The following PLEK2 variants were observed in gnomAD, a reference collection of about 807,000 sequenced individuals.
PLEK2 encodes the protein pleckstrin 2.
In PLEK2, 29 loss-of-function variants were observed where a neutral mutation model predicts 43.8. That is an observed-to-expected ratio of 0.66 (90% CI 0.49 to 0.90). The LOEUF (loss-of-function observed/expected upper bound fraction) is 0.90, where lower values mean the gene tolerates loss of function less well. Among genes scored for constraint, PLEK2 ranks in the 40% least tolerant of loss-of-function variants. The pLI is 0.00. For missense variants in PLEK2, 398 were observed against 448.1 expected, an observed-to-expected ratio of 0.89 and a Z score of 1.01; for synonymous variants, 162 against 173.2, an observed-to-expected ratio of 0.94 and a Z score of 0.51.
chr14:67,393,129 G>C lies in PLEK2; in HGVS notation c.481+21C>G, dbSNP rs755695051. The stretch of plus-strand genomic sequence containing the variant: ...ATGTCCCAGCTTGACTGCCCAGCCC[G>C]GCCCTGGGGGACAGGCTCACCGAGG... On this transcript the variant is annotated intron_variant, in intron 4 of 8. Coordinates refer to ENST00000216446, the MANE Select transcript of PLEK2 (RefSeq NM_016445.3). 3.8e-6 allele frequency: 6 copies of C among 1,565,860 alleles called. No individual in the cohort carries two copies. In the East Asian group the frequency reaches 1.1e-4, roughly 29 times the overall value.
At chr14:67,409,583 C>T (rs764638870) in intron 1 of PLEK2, among the ~76,000 whole-genome samples, 33 of 152,098 alleles carry the variant, frequency 2.2e-4, no homozygotes, top group Non-Finnish European at 3.8e-4. Context: ...ACGGCTCATC[C>T]CCCACTTCCC....
intron 2 of PLEK2, among the ~76,000 whole-genome samples, chr14:67,397,096 G>A (rs949068444): frequency 2.8e-5 from 4 of 144,530 alleles, no homozygotes; most frequent in Non-Finnish European, 4.5e-5. Context: ...CTGCGACCAC[G>A]CTCAGCTAGT....
chr14:67,410,351 C>A (rs1157885533), intron 1 of PLEK2, among the ~76,000 whole-genome samples: 2 of 152,186 alleles, frequency 1.3e-5, no homozygotes, highest in Non-Finnish European at 2.9e-5. Context: ...CCAGCTATAT[C>A]AACAGTGCCA....
At chr14:67,401,555 G>T (rs1206613249) in intron 1 of PLEK2, among the ~76,000 whole-genome samples, 2 of 151,892 alleles carry the variant, frequency 1.3e-5, no homozygotes, top group Non-Finnish European at 2.9e-5. Flanking sequence ...AGGAGATTTG[G>T]ACACACAGCT....
chr14:67,408,923 G>C (rs1267755556), intron 1 of PLEK2, among the ~76,000 whole-genome samples: 2 of 151,458 alleles, frequency 1.3e-5, no homozygotes, highest in Admixed American at 1.3e-4. Flanking sequence ...CAGTTTTTTC[G>C]CCACATAAAT....
At chr14:67,406,958 A>G (rs2086082918) in intron 1 of PLEK2, among the ~76,000 whole-genome samples, 1 of 152,110 alleles carries the variant, frequency 6.6e-6, no homozygotes, top group Non-Finnish European at 1.5e-5. Flanking sequence ...GCTGGCTGGA[A>G]CCAGAGGCCA....
chr14:67,392,205 T>C lies in PLEK2; in HGVS notation c.771+121A>G, dbSNP rs1001692879. On this transcript the variant is annotated intron_variant, in intron 6 of 8. Transcript: ENST00000216446. ...GGCTGGTGCTGGGCTCTTGCTTTCG[T>C]AGATTTTGCTGTAATTGGTGCCCTC... The C allele has an allele frequency of 8.4e-6, 6 of 718,280 alleles. No individual in the cohort carries two copies. In the African/African-American group the frequency reaches 8.7e-5, roughly 10 times the overall value. 44.5% of individuals were successfully genotyped at this position (718,280 alleles called of 1,614,324 possible). A position where few individuals can be genotyped will look rare whatever the true frequency, so the allele number is the denominator to read the frequency against.
intron 1 of PLEK2, among the ~76,000 whole-genome samples, chr14:67,400,437 C>T (rs1178759066): frequency 6.6e-6 from 1 of 152,204 alleles, no homozygotes; most frequent in Non-Finnish European, 1.5e-5. Flanking sequence ...AAAGATTTGT[C>T]TTTGACTTCT....
At position 67,397,896 on chromosome 14, in the gene PLEK2, T is replaced by C. The variant is rs978026874; in HGVS notation, c.43-70A>G. 8 of 1,304,724 alleles carry C rather than the reference T, an allele frequency of 6.1e-6. No homozygotes were observed. In the African/African-American group the frequency reaches 1.0e-4, roughly 17 times the overall value. The allele number at this position is 1,304,724 out of a possible 1,614,324, so 80.8% of individuals were successfully genotyped here. On this transcript the variant is annotated intron_variant, in intron 1 of 8. Coordinates refer to ENST00000216446, the MANE Select transcript of PLEK2 (RefSeq NM_016445.3). Reference sequence around the variant, plus strand: ...GGGTATGGTGTTCAGGGAGGGGGTGTCTGGTGGCACAAGTAACCAGACTGT... The same window carrying C: ...GGGTATGGTGTTCAGGGAGGGGGTGCCTGGTGGCACAAGTAACCAGACTGT...
intron 1 of PLEK2, among the ~76,000 whole-genome samples, chr14:67,405,054 C>T (rs890006071): frequency 4.6e-5 from 7 of 150,968 alleles, no homozygotes; most frequent in South Asian, 2.1e-4. Context: ...GCCAACATGG[C>T]GAAACCCCAT....
At chr14:67,394,492 C>T (rs1227915577) in intron 3 of PLEK2, among the ~76,000 whole-genome samples, 1 of 152,198 alleles carries the variant, frequency 6.6e-6, no homozygotes, top group Non-Finnish European at 1.5e-5. Flanking sequence ...AGCTACTTTT[C>T]CAACTATCTT....
At chr14:67,398,099 C>T (rs1019864031) in intron 1 of PLEK2, 5 of 313,394 alleles carry the variant, frequency 1.6e-5, no homozygotes, top group Non-Finnish European at 2.9e-5. Flanking sequence ...TGTAATCCTA[C>T]TGCTAGGAGA....
At chr14:67,409,888 T>C (rs1432673208) in intron 1 of PLEK2, among the ~76,000 whole-genome samples, 1 of 151,364 alleles carries the variant, frequency 6.6e-6, no homozygotes, top group Non-Finnish European at 1.5e-5. Flanking sequence ...ATATGGAGGG[T>C]TGAAAAAGTT....
Position 67,392,666 on chromosome 14 carries a change from G to A in PLEK2, c.665C>T (p.Thr222Ile). ...QFLDDSTALY[T>I]FAESYKKKIS... ...AGAACCCACTCCCCAACTTACAAAA[G>A]TGTACAGGGCTGTGGAGTCATCCAG... The change falls in exon 5 of 9, where the codon ACT becomes ATT. Residue 222 changes from threonine (T) to isoleucine (I), a missense_variant. Thr to Ile is a moderately conservative substitution (Grantham distance 89). Coordinates refer to ENST00000216446, the MANE Select transcript of PLEK2 (RefSeq NM_016445.3). The A allele has an allele frequency of 1.2e-6, 2 of 1,609,982 alleles. No individual in the cohort carries two copies. The highest frequency in any genetic ancestry group is 1.7e-6 in the Non-Finnish European group (2 of 1,177,396).
chr14:67,396,026 G>C (rs565386217), intron 2 of PLEK2, among the ~76,000 whole-genome samples: 75 of 152,308 alleles, frequency 4.9e-4, no homozygotes, highest in African/African-American at 1.7e-3. Flanking sequence ...CAAATGGCCT[G>C]TTAGTCATGC....
chr14:67,398,909 T>C (rs1003593141), intron 1 of PLEK2, among the ~76,000 whole-genome samples: 4 of 152,370 alleles, frequency 2.6e-5, no homozygotes, highest in African/African-American at 7.2e-5. Flanking sequence ...ATTAAATTTC[T>C]GTAAAACATA....
intron 1 of PLEK2, among the ~76,000 whole-genome samples, chr14:67,399,635 A>C (rs113929444): frequency 1.6e-5 from 2 of 127,718 alleles, no homozygotes; most frequent in East Asian, 3.0e-4. Context: ...AGAGAAGGGT[A>C]GTTTAGGTGG....
chr14:67,402,815 A>G (rs992501805), intron 1 of PLEK2, among the ~76,000 whole-genome samples: 1 of 152,122 alleles, frequency 6.6e-6, no homozygotes, highest in Non-Finnish European at 1.5e-5. Context: ...CAGTTTCTTC[A>G]TTCATGTGTT....
intron 2 of PLEK2, 60 bp downstream of exon 2, chr14:67,397,602 G>A: frequency 8.4e-6 from 12 of 1,429,334 alleles, no homozygotes; most frequent in Non-Finnish European, 1.2e-5. Context: ...TTCCCAAAGA[G>A]GCCAGAGGTG....
Sources: allele counts gnomAD v4.1 joint callset (sites outside exome capture counted in the v4.1 genomes callset), GRCh38; gene constraint gnomAD v4.1.1; transcripts MANE v1.5; gene names NCBI Gene and HGNC (gene_info 2026-07-23, HGNC 2026-07-21).